The following KCNH8 variants were observed in gnomAD, a reference collection of about 807,000 sequenced individuals.
KCNH8 encodes potassium voltage-gated channel subfamily H member 8.
KCNH8 carries 70 observed loss-of-function variants against 103.6 expected under a neutral mutation model. That is an observed-to-expected ratio of 0.68 (90% CI 0.56 to 0.82). The LOEUF is 0.82. Among genes scored for constraint, KCNH8 ranks in the 40% least tolerant of loss-of-function variants. The pLI is 0.00. For missense variants in KCNH8, 1,217 were observed against 1,329.9 expected (o/e 0.92, Z 1.32); for synonymous variants, 498 against 489.4 (o/e 1.02, Z -0.23).
intron 11 of KCNH8, among the ~76,000 whole-genome samples, chr3:19,490,844 C>T (rs1164087396): frequency 2.0e-5 from 3 of 152,128 alleles, no homozygotes; most frequent in African/African-American, 7.2e-5. Flanking sequence ...TTCCATCCAC[C>T]ACCAGCTATA....
At chr3:19,364,395 TATA>T (rs1054521875) in intron 5 of KCNH8, among the ~76,000 whole-genome samples, 72 of 152,264 alleles carry the variant, frequency 4.7e-4, no homozygotes, top group African/African-American at 1.7e-3. Context: ...CAAAGCTATT[TATA>T]ATGCAGCTAT....
At chr3:19,429,037 C>T (rs1271414662) in intron 7 of KCNH8, among the ~76,000 whole-genome samples, 2 of 152,066 alleles carry the variant, frequency 1.3e-5, no homozygotes, top group Non-Finnish European at 2.9e-5. Context: ...CTTCACCAGA[C>T]GCTGGCTGAA....
intron 3 of KCNH8, among the ~76,000 whole-genome samples, chr3:19,335,419 A>ATG (rs1401586738): frequency 4.4e-5 from 4 of 91,094 alleles, no homozygotes; most frequent in Admixed American, 1.0e-4. Flanking sequence ...AAAGTAGTAT[A>ATG]TGTGTGTGTA....
chr3:19,323,197 C>T (rs1374152650), intron 3 of KCNH8, among the ~76,000 whole-genome samples: 2 of 152,122 alleles, frequency 1.3e-5, no homozygotes, highest in Non-Finnish European at 2.9e-5. Flanking sequence ...CGCCTGTAAT[C>T]CCGGCACTTT....
At chr3:19,437,485 C>T (rs2067217144) in intron 7 of KCNH8, among the ~76,000 whole-genome samples, 1 of 152,046 alleles carries the variant, frequency 6.6e-6, no homozygotes, top group Non-Finnish European at 1.5e-5. Flanking sequence ...TACATAGTAT[C>T]ATAAAACAGT....
chr3:19,172,104 A>G (rs2063354253), intron 1 of KCNH8, among the ~76,000 whole-genome samples: 1 of 152,196 alleles, frequency 6.6e-6, no homozygotes, highest in Non-Finnish European at 1.5e-5. Context: ...ACTTCACAGT[A>G]ATGGGAATAC....
intron 1 of KCNH8, among the ~76,000 whole-genome samples, chr3:19,185,117 A>C (rs2063490137): frequency 6.6e-6 from 1 of 151,770 alleles, no homozygotes; most frequent in Non-Finnish European, 1.5e-5. Context: ...TTGTAGAGAG[A>C]TGTATTTTTA....
chr3:19,410,008 C>T (rs926522302), intron 7 of KCNH8, among the ~76,000 whole-genome samples: 9 of 152,142 alleles, frequency 5.9e-5, no homozygotes, highest in Non-Finnish European at 1.5e-5. Context: ...AAACTCAGCA[C>T]TTGACCGACT....
intron 11 of KCNH8, among the ~76,000 whole-genome samples, chr3:19,483,766 G>T (rs1471013224): frequency 6.6e-6 from 1 of 152,102 alleles, no homozygotes; most frequent in African/African-American, 2.4e-5. Context: ...TGGCCCCATC[G>T]ATTCCTAAGG....
At chr3:19,259,598 G>T (rs2064400917) in intron 2 of KCNH8, among the ~76,000 whole-genome samples, 1 of 151,648 alleles carries the variant, frequency 6.6e-6, no homozygotes, top group African/African-American at 2.4e-5. Flanking sequence ...TTTATTTACA[G>T]ATTGATGCAC....
chr3:19,374,012 G>T (rs1275160115), intron 5 of KCNH8, among the ~76,000 whole-genome samples: 1 of 152,158 alleles, frequency 6.6e-6, no homozygotes, highest in Non-Finnish European at 1.5e-5. Flanking sequence ...ATTTGCTGAG[G>T]AGTGCTTTAC....
At chr3:19,318,173 A>G (rs2065299888) in intron 3 of KCNH8, among the ~76,000 whole-genome samples, 1 of 152,108 alleles carries the variant, frequency 6.6e-6, no homozygotes, top group African/African-American at 2.4e-5. Flanking sequence ...GCATTCCTGT[A>G]CACCAACAAC....
chr3:19,366,960 G>T lies in KCNH8; in HGVS notation c.811+18995G>T, dbSNP rs1019845855. On this transcript the variant is annotated intron_variant, in intron 5 of 15. Transcript: ENST00000328405. ...GTCAATGTATTAAATATTTGTTGAG[G>T]ACCAAAATGATGTCACCCAAGAGAG... 2.0e-5 allele frequency among the ~76,000 whole-genome samples: 3 copies of T among 151,960 alleles called. No individual in the cohort carries two copies. In the East Asian group the frequency reaches 5.8e-4, roughly 29 times the overall value.
At chr3:19,234,373 C>T (rs564356341) in intron 1 of KCNH8, among the ~76,000 whole-genome samples, 1 of 152,210 alleles carries the variant, frequency 6.6e-6, no homozygotes. Context: ...CACAGGAGCC[C>T]ACGGAGTTGG....
chr3:19,241,668 A>ATG (rs1434917365), intron 1 of KCNH8, among the ~76,000 whole-genome samples: 3 of 152,008 alleles, frequency 2.0e-5, no homozygotes, highest in Non-Finnish European at 4.4e-5. Context: ...CCTTGGAAAA[A>ATG]TGTGTGTGTG....
intron 1 of KCNH8, among the ~76,000 whole-genome samples, chr3:19,166,263 A>G (rs1006382341): frequency 1.3e-4 from 20 of 152,316 alleles, no homozygotes; most frequent in Middle Eastern, 3.4e-3. Context: ...ATTTCCTCAC[A>G]TACACATGCA....
At chr3:19,240,491 A>C (rs995724397) in intron 1 of KCNH8, among the ~76,000 whole-genome samples, 1 of 151,950 alleles carries the variant, frequency 6.6e-6, no homozygotes, top group Non-Finnish European at 1.5e-5. Context: ...GCATGCCTGT[A>C]ATCCCAGGTA....
At chr3:19,335,386 T>C (rs758941749) in intron 3 of KCNH8, among the ~76,000 whole-genome samples, 2 of 151,380 alleles carry the variant, frequency 1.3e-5, no homozygotes, top group Non-Finnish European at 3.0e-5. Flanking sequence ...ATGTTTTATT[T>C]AGGATTTTTG....
intron 11 of KCNH8, among the ~76,000 whole-genome samples, chr3:19,491,837 T>A (rs2068329096): frequency 6.6e-6 from 1 of 152,230 alleles, no homozygotes; most frequent in South Asian, 2.1e-4. Context: ...TGCCAGCATC[T>A]GTTTTTTGAC....
Sources: allele counts gnomAD v4.1 joint callset (sites outside exome capture counted in the v4.1 genomes callset), GRCh38; gene constraint gnomAD v4.1.1; transcripts MANE v1.5; gene names NCBI Gene and HGNC (gene_info 2026-07-23, HGNC 2026-07-21).